SPIDR: variants seen among roughly 807,000 people sequenced by gnomAD.
The protein encoded by SPIDR is scaffold protein involved in DNA repair.
In SPIDR, 93 loss-of-function variants were observed where a neutral mutation model predicts 104.6. That is an observed-to-expected ratio of 0.89 (90% CI 0.75 to 1.06). The LOEUF (loss-of-function observed/expected upper bound fraction) is 1.06. Among genes scored for constraint, SPIDR ranks in the 50% least tolerant of loss-of-function variants. The probability of loss-of-function intolerance (pLI) is 0.00; values close to 1 mark genes in which losing one functional copy is unlikely to be tolerated. For missense variants in SPIDR, 1,154 were observed against 1,111.2 expected (o/e 1.04, Z -0.55); for synonymous variants, 431 against 416.9 (o/e 1.03, Z -0.41).
chr8:47,599,795 G>C (rs372982274), intron 10 of SPIDR, among the ~76,000 whole-genome samples: 45 of 152,326 alleles, frequency 3.0e-4, no homozygotes, highest in African/African-American at 1.1e-3. Flanking sequence ...GATTGACAGA[G>C]AGGTTTGTTT....
At chr8:47,446,013 C>T (rs1016456487) in intron 8 of SPIDR, among the ~76,000 whole-genome samples, 1 of 152,178 alleles carries the variant, frequency 6.6e-6, no homozygotes, top group Admixed American at 6.5e-5. Context: ...GAAACTGCAG[C>T]AAATTATCCA....
intron 11 of SPIDR, 94 bp from the exon 12 acceptor site, chr8:47,700,309 G>C: frequency 8.0e-7 from 1 of 1,243,686 alleles, no homozygotes; most frequent in Non-Finnish European, 1.2e-6. Flanking sequence ...ATGGCCTTAG[G>C]CATTAGAGTC....
At chr8:47,573,859 A>G (rs148351027) in intron 8 of SPIDR, among the ~76,000 whole-genome samples, 54 of 152,346 alleles carry the variant, frequency 3.5e-4, no homozygotes, top group African/African-American at 1.3e-3. Context: ...CTTGGTTGCT[A>G]TGTGACATTC....
chr8:47,588,786 C>T (rs1335260134), intron 8 of SPIDR, among the ~76,000 whole-genome samples: 1 of 152,034 alleles, frequency 6.6e-6, no homozygotes, highest in East Asian at 1.9e-4. Context: ...TAAGGATGGA[C>T]GTTGAATTAT....
At chr8:47,278,543 A>C (rs1458144794) in intron 1 of SPIDR, among the ~76,000 whole-genome samples, 1 of 151,650 alleles carries the variant, frequency 6.6e-6, no homozygotes, top group African/African-American at 2.4e-5. Flanking sequence ...CTGCTGACTA[A>C]TTTTTCTAAG....
intron 18 of SPIDR, 52 bp downstream of exon 18, chr8:47,729,099 G>C: frequency 6.3e-7 from 1 of 1,599,910 alleles, no homozygotes; most frequent in Non-Finnish European, 8.5e-7. Context: ...CCAACATAGC[G>C]AAGGTGAGAC....
intron 10 of SPIDR, among the ~76,000 whole-genome samples, chr8:47,633,593 C>CT (rs2067419382): frequency 6.9e-6 from 1 of 145,644 alleles, no homozygotes; most frequent in South Asian, 2.2e-4. Context: ...AGCATGGTGG[C>CT]TTTGGGAGGC....
chr8:47,327,992 CT>C (rs1192548669), intron 5 of SPIDR, among the ~76,000 whole-genome samples: 1 of 151,422 alleles, frequency 6.6e-6, no homozygotes, highest in African/African-American at 2.4e-5. Context: ...GCCACGACCC[CT>C]GGCCGTGTTT....
At chr8:47,482,537 A>G (rs1345374761) in intron 8 of SPIDR, among the ~76,000 whole-genome samples, 1 of 152,174 alleles carries the variant, frequency 6.6e-6, no homozygotes, top group Non-Finnish European at 1.5e-5. Flanking sequence ...GATGGAGCAG[A>G]TGTTCTCTGA....
intron 7 of SPIDR, among the ~76,000 whole-genome samples, chr8:47,432,126 T>C (rs1013195538): frequency 1.3e-5 from 2 of 152,218 alleles, no homozygotes; most frequent in African/African-American, 2.4e-5. Context: ...TGAATACTTA[T>C]GGGAGCATAT....
At chr8:47,656,135 A>G (rs1405721004) in intron 10 of SPIDR, among the ~76,000 whole-genome samples, 1 of 152,190 alleles carries the variant, frequency 6.6e-6, no homozygotes, top group African/African-American at 2.4e-5. Context: ...TATCTTCCTA[A>G]CCGTACATAT....
chr8:47,674,568 A>G (rs969272016), intron 11 of SPIDR, among the ~76,000 whole-genome samples: 13 of 152,228 alleles, frequency 8.5e-5, no homozygotes, highest in South Asian at 2.1e-4. Context: ...GGTTTTCTCA[A>G]TCTTCTTGTT....
chr8:47,671,452 G>C (rs1364679196), intron 10 of SPIDR, among the ~76,000 whole-genome samples: 3 of 152,030 alleles, frequency 2.0e-5, no homozygotes, highest in Non-Finnish European at 4.4e-5. Context: ...AGGTGTGGCA[G>C]TGGGCTCCTG....
intron 8 of SPIDR, among the ~76,000 whole-genome samples, chr8:47,461,820 G>A (rs1256701024): frequency 6.6e-6 from 1 of 151,090 alleles, no homozygotes; most frequent in African/African-American, 2.4e-5. Context: ...CTCATTTCTT[G>A]TATCTTTTTT....
At chr8:47,536,336 C>T (rs747428031) in intron 8 of SPIDR, among the ~76,000 whole-genome samples, 1 of 152,060 alleles carries the variant, frequency 6.6e-6, no homozygotes, top group Non-Finnish European at 1.5e-5. Flanking sequence ...CAATAGCCGA[C>T]TCAATACTGA....
At chr8:47,706,391 T>TCAA (rs547604595) in intron 14 of SPIDR, among the ~76,000 whole-genome samples, 171 of 152,050 alleles carry the variant, frequency 1.1e-3, no homozygotes, top group Non-Finnish European at 2.1e-3. Flanking sequence ...AGACTCTGTC[T>TCAA]CAACAACAAC....
chr8:47,360,344 AG>A (rs1264022942), intron 5 of SPIDR, among the ~76,000 whole-genome samples: 3 of 148,316 alleles, frequency 2.0e-5, no homozygotes, highest in African/African-American at 7.4e-5. Context: ...CTGTGTGGTT[AG>A]TGAATTTTCT....
intron 5 of SPIDR, among the ~76,000 whole-genome samples, chr8:47,344,215 G>A (rs1430148046): frequency 1.3e-5 from 2 of 151,064 alleles, no homozygotes; most frequent in Non-Finnish European, 2.9e-5. Flanking sequence ...GAGAACATGC[G>A]GTGTTTGGTT....
chr8:47,727,435 GA>G, intron 17 of SPIDR, 142 bp downstream of exon 17: 1 of 705,780 alleles, frequency 1.4e-6, no homozygotes, highest in Non-Finnish European at 2.4e-6. Context: ...AGCAGCAAGG[GA>G]AGAGGCCTCT....
Sources: gnomAD v4.1 joint callset for allele counts (sites outside exome capture counted in the v4.1 genomes callset) on GRCh38, gnomAD v4.1.1 for gene constraint, MANE v1.5 for transcripts, NCBI Gene and HGNC (gene_info 2026-07-23, HGNC 2026-07-21) for gene names.